The following PRKCZ variants were observed in gnomAD, a reference collection of about 807,000 sequenced individuals.
The protein encoded by PRKCZ is protein kinase C zeta.
In PRKCZ, 33 loss-of-function variants were observed where a neutral mutation model predicts 79.5. The ratio of observed to expected loss-of-function variants is 0.41; its 90% CI spans 0.31 to 0.55. The LOEUF (loss-of-function observed/expected upper bound fraction) is 0.55. PRKCZ is among the 20% of genes least tolerant of loss of function. The probability of loss-of-function intolerance (pLI) is 0.19; values close to 1 mark genes in which losing one functional copy is unlikely to be tolerated. For synonymous variants in PRKCZ, 342 were observed against 320.9 expected, an observed-to-expected ratio of 1.07 and a Z score of -0.70; for missense variants, 578 against 813.5, an observed-to-expected ratio of 0.71 and a Z score of 3.52.
intron 4 of PRKCZ, among the ~76,000 whole-genome samples, chr1:2,091,743 G>A (rs1236703006): frequency 1.3e-5 from 2 of 152,130 alleles, no homozygotes; most frequent in Non-Finnish European, 2.9e-5. Context: ...TGGTTGACCT[G>A]CACGCACCGT....
chr1:2,115,360 T>C (rs1251400570), intron 4 of PRKCZ, among the ~76,000 whole-genome samples: 1 of 152,244 alleles, frequency 6.6e-6, no homozygotes, highest in East Asian at 1.9e-4. Context: ...GCATCTTTCA[T>C]GTGGGCACAC....
At chr1:2,181,511 G>T (rs1320168563) in intron 16 of PRKCZ, among the ~76,000 whole-genome samples, 2 of 152,232 alleles carry the variant, frequency 1.3e-5, no homozygotes, top group Non-Finnish European at 2.9e-5. Flanking sequence ...GGCGCAGGGG[G>T]CGGCGGTGGG....
At chr1:2,144,606 T>C (rs1678109501) in intron 6 of PRKCZ, 1 of 1,310,028 alleles carries the variant, frequency 7.6e-7, no homozygotes, top group Non-Finnish European at 9.8e-7. Context: ...TACGCTCTGC[T>C]CAGTGGGTCG....
At chr1:2,144,534 C>T (rs1678088066) in intron 6 of PRKCZ, 193 bp downstream of exon 6, 10 of 1,414,086 alleles carry the variant, frequency 7.1e-6, no homozygotes, top group Non-Finnish European at 8.3e-6. Context: ...CCCCCACAAG[C>T]CCCCGGCACA....
At chr1:2,130,070 T>G (rs373263772) in intron 4 of PRKCZ, among the ~76,000 whole-genome samples, 1 of 152,042 alleles carries the variant, frequency 6.6e-6, no homozygotes, top group African/African-American at 2.4e-5. Flanking sequence ...ACTCGGCTCA[T>G]TTTTTATATT....
At position 2,055,766 on chromosome 1, in the gene PRKCZ, C is replaced by T. The variant is rs567399417; in HGVS notation, c.193+204C>T. 2.1e-5 allele frequency: 15 copies of T among 715,598 alleles called. No individual in the cohort carries two copies. The South Asian group carries it at 3.2e-4, about 15-fold the overall frequency. 44.3% of individuals were successfully genotyped at this position (715,598 alleles called of 1,614,324 possible). On this transcript the variant is annotated intron_variant, in intron 2 of 17. Coordinates refer to ENST00000378567, the MANE Select transcript of PRKCZ (RefSeq NM_002744.6). ...TTATCAAGGACCTGGGCCCAGATGCCCCTAGGAAGGGCTCTGGTCTTGAAC... is the reference window on the plus strand; with the variant it reads ...TTATCAAGGACCTGGGCCCAGATGCTCCTAGGAAGGGCTCTGGTCTTGAAC...
intron 4 of PRKCZ, among the ~76,000 whole-genome samples, chr1:2,101,767 T>G (rs930243116): frequency 2.0e-5 from 3 of 151,998 alleles, no homozygotes; most frequent in Non-Finnish European, 4.4e-5. Flanking sequence ...AGGTACTGAG[T>G]AGACACAGTG....
At chr1:2,114,150 A>T (rs1375312586) in intron 4 of PRKCZ, among the ~76,000 whole-genome samples, 2 of 31,762 alleles carry the variant, frequency 6.3e-5, no homozygotes, top group Non-Finnish European at 7.3e-5. Flanking sequence ...CTCCCACCCC[A>T]GCTTTTCTCC....
At chr1:2,068,644 C>T (rs1055604040) in intron 4 of PRKCZ, among the ~76,000 whole-genome samples, 1 of 152,228 alleles carries the variant, frequency 6.6e-6, no homozygotes. Context: ...TTTTTGGAGG[C>T]CCATCCTCAA....
In PRKCZ at chr1:2,173,198, A is replaced by C. The variant is rs1036093160; in HGVS notation, c.1286-699A>C. Among the ~76,000 whole-genome samples, 2 of 152,184 alleles carry C rather than the reference A, an allele frequency of 1.3e-5. No individual in the cohort carries two copies. The highest frequency in any genetic ancestry group is 2.4e-5 in the African/African-American group (1 of 41,448). On this transcript the variant is annotated intron_variant, in intron 13 of 17. Transcript: ENST00000378567. The surrounding 1 kb of genome is among the most constrained non-coding windows in gnomAD (Gnocchi z 5.7). ...CCATCAGAATGGGTGTGGGGCAGGC[A>C]GGGCGGGCAGGTCACTCGCCGCTGG...
chr1:2,126,875 G>C (rs1293197000), intron 4 of PRKCZ, among the ~76,000 whole-genome samples: 1 of 152,200 alleles, frequency 6.6e-6, no homozygotes, highest in Non-Finnish European at 1.5e-5. Flanking sequence ...CCACCTGCCT[G>C]TCCCTTCGTA....
intron 16 of PRKCZ, among the ~76,000 whole-genome samples, chr1:2,179,505 A>G (rs1241964957): frequency 6.6e-6 from 1 of 152,234 alleles, no homozygotes; most frequent in Non-Finnish European, 1.5e-5. Context: ...ATTTCCCAGC[A>G]TGGTCCCAGC....
rs999417329 is a variant in PRKCZ at position 2,172,852 on chromosome 1, A to G, written c.1285+464A>G. 1.3e-5 allele frequency among the ~76,000 whole-genome samples: 2 copies of G among 151,714 alleles called. No homozygotes were observed. Among genetic ancestry groups the G allele is most frequent in the East Asian group, 1.9e-4 (1 of 5,148 alleles). ...CCCTCTCTGGGCGTGAAACGGGGAC[A>G]TGGGCACGCGTGTGCAGCCGTGTGT... On this transcript the variant is annotated intron_variant, in intron 13 of 17. Coordinates refer to ENST00000378567, the MANE Select transcript of PRKCZ (RefSeq NM_002744.6). This position sits in a 1 kb window ranked among gnomAD's most constrained non-coding sequence, Gnocchi z 7.8.
intron 4 of PRKCZ, among the ~76,000 whole-genome samples, chr1:2,086,108 C>A (rs914609762): frequency 2.7e-5 from 4 of 147,364 alleles, no homozygotes; most frequent in African/African-American, 1.0e-4. Context: ...GTCGCCCAGG[C>A]TGGAATGCAG....
intron 10 of PRKCZ, among the ~76,000 whole-genome samples, chr1:2,158,109 C>T (rs950013738): frequency 2.0e-5 from 3 of 152,220 alleles, no homozygotes; most frequent in East Asian, 1.9e-4. Context: ...GTGACCCGGC[C>T]GTTCCCCGAC....
chr1:2,087,698 A>G (rs562173387), intron 4 of PRKCZ, among the ~76,000 whole-genome samples: 53 of 152,306 alleles, frequency 3.5e-4, no homozygotes, highest in African/African-American at 1.3e-3. Context: ...GAGTAAATGA[A>G]TAACAGGTGG....
chr1:2,148,824 G>T (rs749177053), intron 7 of PRKCZ, 48 bp from the exon 8 acceptor site: 7 of 1,592,362 alleles, frequency 4.4e-6, no homozygotes, highest in Non-Finnish European at 6.0e-6. Flanking sequence ...TTCCCAGTGC[G>T]TTCCTGACCA....
In PRKCZ at chr1:2,168,120, G is replaced by A. The variant is rs758254828; in HGVS notation, c.975-1398G>A. ...CTGTCATTGCTATTTTGTTTATACCGGGGATTGGCAAACTTTTTCTTGAAG... is the reference window on the plus strand; with the variant it reads ...CTGTCATTGCTATTTTGTTTATACCAGGGATTGGCAAACTTTTTCTTGAAG... On this transcript the variant is annotated intron_variant, in intron 10 of 17. Coordinates refer to ENST00000378567, the MANE Select transcript of PRKCZ (RefSeq NM_002744.6). This position sits in a 1 kb window ranked among gnomAD's most constrained non-coding sequence, Gnocchi z 4.7. 6.1e-4 allele frequency among the ~76,000 whole-genome samples: 93 copies of A among 152,244 alleles called. 1 individual carries two copies. Among genetic ancestry groups the A allele is most frequent in the Non-Finnish European group, 9.7e-4 (66 of 68,022 alleles).
intron 4 of PRKCZ, chr1:2,071,486 C>T (rs1025175492): frequency 5.0e-6 from 1 of 200,836 alleles, no homozygotes; most frequent in South Asian, 5.0e-5. Flanking sequence ...CTGTGATTCC[C>T]TGGTATTTAT....
Sources: allele counts gnomAD v4.1 joint callset (sites outside exome capture counted in the v4.1 genomes callset), GRCh38; gene constraint gnomAD v4.1.1; non-coding constraint Gnocchi (gnomAD v3.1); transcripts MANE v1.5; gene names NCBI Gene and HGNC (gene_info 2026-07-23, HGNC 2026-07-21).